The following SZRD1 variants were observed in gnomAD, a reference collection of about 807,000 sequenced individuals.
SZRD1 encodes SUZ RNA-binding domain-containing.
A neutral mutation model predicts 17.6 loss-of-function variants in SZRD1; 7 were observed. The observed-to-expected ratio is 0.40, with a 90% CI of 0.23 to 0.75. The LOEUF is 0.75. SZRD1 is among the 30% of genes least tolerant of loss of function. The pLI is 0.38. For missense variants in SZRD1, 178 were observed against 201.8 expected, an observed-to-expected ratio of 0.88 and a Z score of 0.71; for synonymous variants, 77 against 77.9, an observed-to-expected ratio of 0.99 and a Z score of 0.06.
intron 1 of SZRD1, among the ~76,000 whole-genome samples, chr1:16,382,952 G>A (rs2083130719): frequency 6.7e-6 from 1 of 148,886 alleles, no homozygotes; most frequent in African/African-American, 2.5e-5. Context: ...TGCAACCTCC[G>A]CCTCCCGGGT....
intron 1 of SZRD1, chr1:16,387,601 G>A (rs757619850): frequency 1.1e-5 from 5 of 456,580 alleles, no homozygotes; most frequent in Admixed American, 4.7e-5. Flanking sequence ...TGCTCCGTGC[G>A]AGTGGAGTTT....
chr1:16,386,664 T>A (rs1293816853), intron 1 of SZRD1, among the ~76,000 whole-genome samples: 1 of 152,128 alleles, frequency 6.6e-6, no homozygotes, highest in Admixed American at 6.5e-5. Flanking sequence ...CCTCTGAGCA[T>A]GCTGGCGTCC....
At chr1:16,394,494 G>A (rs913521969) in intron 3 of SZRD1, among the ~76,000 whole-genome samples, 1 of 152,200 alleles carries the variant, frequency 6.6e-6, no homozygotes, top group Non-Finnish European at 1.5e-5. Flanking sequence ...ACAAGTGCAT[G>A]ATGGCAGCTG....
chr1:16,395,240 G>A lies in SZRD1; in HGVS notation c.*100G>A. ...TGGCAGACAGCTGGACTTGAGCAGA[G>A]GGAACGACCTGACTTACTTGCACTG... On this transcript the variant is annotated 3_prime_UTR_variant, in exon 4 of 4. Transcript: ENST00000401088. The A allele has an allele frequency of 1.2e-6, 1 of 828,868 alleles. No homozygotes were observed. The allele number at this position is 828,868 out of a possible 1,614,324, so 51.3% of individuals were successfully genotyped here.
In SZRD1 at chr1:16,391,401, A is replaced by C. The variant is rs1261097190; in HGVS notation, c.78A>C (p.Lys26Asn). The C allele has an allele frequency of 3.9e-6, 6 of 1,549,434 alleles. No individual in the cohort carries two copies. Among genetic ancestry groups the C allele is most frequent in the Non-Finnish European group, 5.2e-6 (6 of 1,146,606 alleles). Residue 26 changes from lysine (K) to asparagine (N), a missense_variant, in exon 2 of 4, where the codon AAA (lysine) becomes AAC (asparagine). Transcript: ENST00000401088. This position sits in a 1 kb window ranked among gnomAD's most constrained non-coding sequence, Gnocchi z 4.3. ...AAATAGACAGACGGTTGGAAAAAAA[A>C]CTGAAGATCACACAAAAAGAGAGGT... ...SGEIDRRLEK[K>N]LKITQKESRK...
At chr1:16,388,953 C>T (rs1168601527) in intron 1 of SZRD1, among the ~76,000 whole-genome samples, 2 of 151,566 alleles carry the variant, frequency 1.3e-5, no homozygotes, top group Non-Finnish European at 2.9e-5. Flanking sequence ...TGTGCCTGGC[C>T]AATAATTCTT....
chr1:16,369,244 C>T, intron 1 of SZRD1: 1 of 559,630 alleles, frequency 1.8e-6, no homozygotes, highest in Non-Finnish European at 3.2e-6. Context: ...CAACCAATCA[C>T]GTAAATTATT....
chr1:16,368,337 T>C (rs1370237475), intron 1 of SZRD1, among the ~76,000 whole-genome samples: 6 of 152,108 alleles, frequency 3.9e-5, no homozygotes, highest in Non-Finnish European at 2.9e-5. Context: ...GGGTTTTTTT[T>C]CCTAAGCGCT....
chr1:16,379,350 G>A (rs181966392), intron 1 of SZRD1, among the ~76,000 whole-genome samples: 3 of 152,182 alleles, frequency 2.0e-5, no homozygotes, highest in South Asian at 2.1e-4. Flanking sequence ...TGATCCGCCC[G>A]CCTCGTCCTC....
At chr1:16,381,857 G>A (rs2083110960) in intron 1 of SZRD1, among the ~76,000 whole-genome samples, 1 of 151,946 alleles carries the variant, frequency 6.6e-6, no homozygotes, top group African/African-American at 2.4e-5. Flanking sequence ...CCCAGGAGGT[G>A]GAGGTTGCAG....
chr1:16,391,370 T>C lies in SZRD1; in HGVS notation c.52-5T>C. ...CCTCTTTTTATATACATTTTTTTCC[T>C]CTAGGAAATAGACAGACGGTTGGAA... On this transcript the variant is annotated splice_polypyrimidine_tract_variant and splice_region_variant and intron_variant, in intron 1 of 3. Coordinates refer to ENST00000401088, the MANE Select transcript of SZRD1 (RefSeq NM_001114600.3). This position sits in a 1 kb window ranked among gnomAD's most constrained non-coding sequence, Gnocchi z 4.3. 1 of 1,542,418 alleles carries C rather than the reference T, an allele frequency of 6.5e-7. No individual in the cohort carries two copies. The highest frequency in any genetic ancestry group is 8.8e-7 in the Non-Finnish European group (1 of 1,140,654).
At chr1:16,383,123 C>T (rs762553561) in intron 1 of SZRD1, among the ~76,000 whole-genome samples, 3 of 152,200 alleles carry the variant, frequency 2.0e-5, no homozygotes, top group Admixed American at 2.0e-4. Flanking sequence ...ACCTCGGCCT[C>T]CCAAAGACAC....
intron 1 of SZRD1, among the ~76,000 whole-genome samples, chr1:16,382,305 A>G (rs1376886345): frequency 6.6e-6 from 1 of 151,096 alleles, no homozygotes; most frequent in Non-Finnish European, 1.5e-5. Context: ...CTCCTGCCTC[A>G]GCCTCCTGAG....
intron 1 of SZRD1, among the ~76,000 whole-genome samples, chr1:16,368,569 C>T (rs1389661689): frequency 6.6e-6 from 1 of 152,178 alleles, no homozygotes; most frequent in East Asian, 1.9e-4. Flanking sequence ...CTTAATGTGA[C>T]AACCATCTTT....
In SZRD1 at chr1:16,391,317, C is replaced by CTT. The variant is rs367782069; in HGVS notation, c.52-57_52-56insTT. ...CTGCCCTTAGCTCCAAAAATAAAGA[C>CTT]TAAGTTTTTATTTGAGAGAGATTTT... On this transcript the variant is annotated intron_variant, in intron 1 of 3. Transcript: ENST00000401088. This position sits in a 1 kb window ranked among gnomAD's most constrained non-coding sequence, Gnocchi z 4.3. 115 of 1,314,156 alleles carry CTT rather than the reference C, an allele frequency of 8.8e-5. No individual in the cohort carries two copies. Among genetic ancestry groups the CTT allele is most frequent in the Middle Eastern group, 7.5e-4 (4 of 5,332 alleles). The allele number at this position is 1,314,156 out of a possible 1,614,324, so 81.4% of individuals were successfully genotyped here.
chr1:16,387,658 G>C (rs371018601), intron 1 of SZRD1: 7 of 456,676 alleles, frequency 1.5e-5, no homozygotes, highest in South Asian at 9.3e-5. Context: ...ACCCTCAAAG[G>C]CTTCTAAATT....
chr1:16,390,376 G>A (rs2085202821), intron 1 of SZRD1, among the ~76,000 whole-genome samples: 2 of 152,216 alleles, frequency 1.3e-5, no homozygotes, highest in Non-Finnish European at 2.9e-5. Flanking sequence ...CTCAGGGCTT[G>A]AAGAGATGAG....
chr1:16,385,746 C>A (rs1470522877), intron 1 of SZRD1, among the ~76,000 whole-genome samples: 1 of 152,158 alleles, frequency 6.6e-6, no homozygotes, highest in Non-Finnish European at 1.5e-5. Context: ...AGGTCCCATA[C>A]CCTAACTTTT....
At position 16,382,610 on chromosome 1, in the gene SZRD1, T is replaced by C. The variant is rs192165246; in HGVS notation, c.52-8765T>C. Among the ~76,000 whole-genome samples, 435 of 151,978 alleles carry C rather than the reference T, an allele frequency of 2.9e-3. 8 individuals are homozygous for C. The highest frequency in any genetic ancestry group is 0.02 in the Admixed American group (302 of 15,230). On this transcript the variant is annotated intron_variant, in intron 1 of 3. Coordinates refer to ENST00000401088, the MANE Select transcript of SZRD1 (RefSeq NM_001114600.3). ...CCCGAGTTCAAGCGATTCTCCTGCC[T>C]CAGTCTCCCGAGCAGCTGGGATTAC...
Sources: gnomAD v4.1 joint callset for allele counts (sites outside exome capture counted in the v4.1 genomes callset) on GRCh38, gnomAD v4.1.1 for gene constraint, Gnocchi (gnomAD v3.1) non-coding constraint, MANE v1.5 for transcripts, NCBI Gene and HGNC (gene_info 2026-07-23, HGNC 2026-07-21) for gene names.